The following CLN6 variants were observed in gnomAD, a reference collection of about 807,000 sequenced individuals.
CLN6 encodes CLN6 transmembrane ER protein, also known as ceroid-lipofuscinosis neuronal protein 6.
Under a neutral mutation model 33.3 loss-of-function variants are expected in CLN6, and 22 were observed. The ratio of observed to expected loss-of-function variants is 0.66; its 90% CI spans 0.47 to 0.94. The LOEUF (loss-of-function observed/expected upper bound fraction) is 0.94, where lower values mean the gene tolerates loss of function less well. Among genes scored for constraint, CLN6 ranks in the 40% least tolerant of loss-of-function variants. The pLI is 0.00. For synonymous variants in CLN6, 201 were observed against 174.6 expected (o/e 1.15, Z -1.19); for missense variants, 387 against 417.1 (o/e 0.93, Z 0.63).
intron 1 of CLN6, among the ~76,000 whole-genome samples, chr15:68,235,587 AATATATATATATAT>A (rs59823320): frequency 9.5e-5 from 9 of 95,090 alleles, no homozygotes; most frequent in African/African-American, 4.1e-4. Flanking sequence ...AATAAAAATA[AATATATATATATAT>A]ATATATATAT....
chr15:68,215,161 A>C (rs2093217197), intron 2 of CLN6: 1 of 152,228 alleles, frequency 6.6e-6, no homozygotes, highest in Admixed American at 6.5e-5. Context: ...CATAAGGCCC[A>C]CAAGTTTCAA....
At chr15:68,214,467 A>C in intron 2 of CLN6, 79 bp from the exon 3 acceptor site, 3 of 957,832 alleles carry the variant, frequency 3.1e-6, no homozygotes, top group Non-Finnish European at 5.0e-6. Flanking sequence ...TCTGCCCCTA[A>C]TGCCGCCCAC....
rs181481173 is a variant in CLN6, at chr15:68,241,314, C to G, written c.179+15376G>C. Among the ~76,000 whole-genome samples, 195 of 152,138 alleles carry G rather than the reference C, an allele frequency of 1.3e-3. 2 individuals are homozygous for G. Among genetic ancestry groups the G allele is most frequent in the African/African-American group, 4.4e-3 (182 of 41,510 alleles). On this transcript the variant is annotated intron_variant, in intron 1 of 6. Coordinates refer to the CLN6 transcript ENST00000538696. This position sits in a 1 kb window ranked among gnomAD's most constrained non-coding sequence, Gnocchi z 4.2. ...CACTATGCCAGCAATATTCCAGAAC[C>G]CAAATATGAGGATGAGGCAGTTCCT...
intron 1 of CLN6, among the ~76,000 whole-genome samples, chr15:68,237,831 G>T (rs979487361): frequency 6.6e-6 from 1 of 152,208 alleles, no homozygotes; most frequent in Non-Finnish European, 1.5e-5. Context: ...CACATATCAA[G>T]AAGTGCCTCA....
intron 1 of CLN6, among the ~76,000 whole-genome samples, chr15:68,250,597 C>G (rs1163010190): frequency 6.7e-6 from 1 of 148,856 alleles, no homozygotes; most frequent in Non-Finnish European, 1.5e-5. Flanking sequence ...TGCACTCCAG[C>G]CTGGGCGACA....
upstream of CLN6, chr15:68,229,814 T>TAGGGG: frequency 5.7e-6 from 1 of 174,188 alleles, no homozygotes; most frequent in Non-Finnish European, 1.0e-5. Flanking sequence ...CGGGCTCCGC[T>TAGGGG]AGGGGAGGGC....
In CLN6 at chr15:68,208,103, C is replaced by CCCCCCCAGCAGAGCG; in HGVS notation, c.*36_*37insCGCTCTGCTGGGGGG. The CCCCCCCAGCAGAGCG allele has an allele frequency of 6.6e-7, 1 of 1,518,186 alleles. No individual in the cohort carries two copies. Among genetic ancestry groups the CCCCCCCAGCAGAGCG allele is most frequent in the Non-Finnish European group, 9.0e-7 (1 of 1,109,278 alleles). 94.0% of individuals were successfully genotyped at this position (1,518,186 alleles called of 1,614,324 possible). A position where few individuals can be genotyped will look rare whatever the true frequency, so the allele number is the denominator to read the frequency against. ...TCAGATGCCCTCCATGGCCCACCCTCCCACCCAGCAGAGCGCCAGAGCCTG... is the reference window on the plus strand; with the variant it reads ...TCAGATGCCCTCCATGGCCCACCCTCCCCCCCAGCAGAGCGCCACCCAGCAGAGCGCCAGAGCCTG... On this transcript the variant is annotated 3_prime_UTR_variant, in exon 7 of 7. Coordinates refer to ENST00000249806, the MANE Select transcript of CLN6 (RefSeq NM_017882.3). This position sits in a 1 kb window ranked among gnomAD's most constrained non-coding sequence, Gnocchi z 5.8.
Position 68,210,107 on chromosome 15 carries a change from G to A in CLN6, c.543-348C>T, listed in dbSNP as rs2093200570. On this transcript the variant is annotated intron_variant, in intron 5 of 6. Transcript: ENST00000249806. This position sits in a 1 kb window ranked among gnomAD's most constrained non-coding sequence, Gnocchi z 5.6. Reference sequence around the variant, plus strand: ...GCACCACACTAGCCTGGAGACAGAGGCACCTCCCGGGCTGAGGATGGAGGT... The same window carrying A: ...GCACCACACTAGCCTGGAGACAGAGACACCTCCCGGGCTGAGGATGGAGGT... 6.6e-6 allele frequency among the ~76,000 whole-genome samples: 1 copy of A among 152,032 alleles called. No homozygotes were observed. The highest frequency in any genetic ancestry group is 2.4e-5 in the African/African-American group (1 of 41,374).
At chr15:68,252,012 C>T (rs534908751) in intron 1 of CLN6, among the ~76,000 whole-genome samples, 9 of 125,250 alleles carry the variant, frequency 7.2e-5, no homozygotes, top group African/African-American at 1.5e-4. Flanking sequence ...CTTGGTCTGT[C>T]GCCCAGGCTA....
At chr15:68,232,159 TA>T (rs1188031147), upstream of CLN6, among the ~76,000 whole-genome samples, 3 of 50,962 alleles carry the variant, frequency 5.9e-5, no homozygotes, top group African/African-American at 1.3e-4. The surrounding 1 kb of genome is among the most constrained non-coding windows in gnomAD (Gnocchi z 4.7). Flanking sequence ...CTGTATCCGA[TA>T]TTTTTTTTTT....
intron 1 of CLN6, among the ~76,000 whole-genome samples, chr15:68,238,076 T>C (rs533674868): frequency 1.5e-4 from 23 of 151,004 alleles, no homozygotes; most frequent in African/African-American, 4.9e-4. Flanking sequence ...TGAGCCAAGA[T>C]TGTGCCACTG....
chr15:68,246,853 A>C lies in CLN6; in HGVS notation c.179+9837T>G, dbSNP rs1246979366. On this transcript the variant is annotated intron_variant, in intron 1 of 6. Coordinates refer to the CLN6 transcript ENST00000538696. This position sits in a 1 kb window ranked among gnomAD's most constrained non-coding sequence, Gnocchi z 4.5. ...GCTAAGATAAAAGGAGAGAAGTCCCAAATAAATAAAATTAAAAATGGGCTG... is the reference window on the plus strand; with the variant it reads ...GCTAAGATAAAAGGAGAGAAGTCCCCAATAAATAAAATTAAAAATGGGCTG... Among the ~76,000 whole-genome samples the C allele has an allele frequency of 6.6e-6, 1 of 152,138 alleles. No individual in the cohort carries two copies. The highest frequency in any genetic ancestry group is 1.5e-5 in the Non-Finnish European group (1 of 68,040).
chr15:68,233,069 G>A (rs1178842459), upstream of CLN6, among the ~76,000 whole-genome samples: 2 of 151,954 alleles, frequency 1.3e-5, no homozygotes, highest in African/African-American at 4.8e-5. The surrounding 1 kb of genome is among the most constrained non-coding windows in gnomAD (Gnocchi z 4.3). Context: ...TAATAAAGAA[G>A]GTCCTGTAAG....
chr15:68,216,774 A>G (rs749831529), intron 2 of CLN6, among the ~76,000 whole-genome samples: 2 of 152,222 alleles, frequency 1.3e-5, no homozygotes, highest in African/African-American at 4.8e-5. Flanking sequence ...TTTGAGTTAG[A>G]GGAAACTGCT....
Position 68,236,924 on chromosome 15 carries a change from G to A in CLN6, c.180-18274C>T, listed in dbSNP as rs1422366844. Among the ~76,000 whole-genome samples the A allele has an allele frequency of 2.6e-5, 4 of 151,738 alleles. No individual in the cohort carries two copies. Among genetic ancestry groups the A allele is most frequent in the Non-Finnish European group, 4.4e-5 (3 of 67,930 alleles). On this transcript the variant is annotated intron_variant, in intron 1 of 6. Transcript: ENST00000538696. This position sits in a 1 kb window ranked among gnomAD's most constrained non-coding sequence, Gnocchi z 4.5. ...TGTAATCCCAGCACTTTGGGAGGCC[G>A]AGGCGGGTGGATCATGAGGTCAGGA...
In CLN6 at chr15:68,220,256, T is replaced by C. The variant is rs146135158; in HGVS notation, c.84-1606A>G. The stretch of plus-strand genomic sequence containing the variant: ...CTCACTGAACACCAACTATGTGCAA[T>C]GCTAGGTCTTTACCTGCACTATCTC... On this transcript the variant is annotated intron_variant, in intron 1 of 6. Transcript: ENST00000249806. This position sits in a 1 kb window ranked among gnomAD's most constrained non-coding sequence, Gnocchi z 4.2. Among the ~76,000 whole-genome samples, 495 of 152,336 alleles carry C rather than the reference T, an allele frequency of 3.2e-3. 2 individuals are homozygous for C. The highest frequency in any genetic ancestry group is 0.011 in the African/African-American group (468 of 41,580).
Position 68,224,404 on chromosome 15 carries a change from A to G in CLN6, c.83+5098T>C, listed in dbSNP as rs185866904. Among the ~76,000 whole-genome samples the G allele has an allele frequency of 2.6e-5, 4 of 151,798 alleles. No homozygotes were observed. In the East Asian group the frequency reaches 7.8e-4, roughly 30 times the overall value. The stretch of plus-strand genomic sequence containing the variant: ...TGGGAGGGTGAGCTGGGCAGATCAC[A>G]TGAGGCCAGGCATTCAAGACCAGCC... On this transcript the variant is annotated intron_variant, in intron 1 of 6. Coordinates refer to ENST00000249806, the MANE Select transcript of CLN6 (RefSeq NM_017882.3).
intron 1 of CLN6, among the ~76,000 whole-genome samples, chr15:68,254,067 G>A (rs1318640488): frequency 6.6e-6 from 1 of 150,910 alleles, no homozygotes; most frequent in Non-Finnish European, 1.5e-5. Context: ...TTTTAGTAGA[G>A]ATGGGGTTTC....
In CLN6 at chr15:68,256,625, G is replaced by C; in HGVS notation, c.179+65C>G. On this transcript the variant is annotated intron_variant, in intron 1 of 6. Transcript: ENST00000538696. The surrounding 1 kb of genome is among the most constrained non-coding windows in gnomAD (Gnocchi z 4.1). ...GGGTGTGGGCAGTGCAGTCGCACAGGGCCCCACGTTCAGAAGGGCTTCGCC... is the reference window on the plus strand; with the variant it reads ...GGGTGTGGGCAGTGCAGTCGCACAGCGCCCCACGTTCAGAAGGGCTTCGCC... 1 of 592,072 alleles carries C rather than the reference G, an allele frequency of 1.7e-6. No individual in the cohort carries two copies. The highest frequency in any genetic ancestry group is 3.0e-6 in the Non-Finnish European group (1 of 330,132). 36.7% of individuals were successfully genotyped at this position (592,072 alleles called of 1,614,324 possible).
Sources: gnomAD v4.1 joint callset for allele counts (sites outside exome capture counted in the v4.1 genomes callset) on GRCh38, gnomAD v4.1.1 for gene constraint, Gnocchi (gnomAD v3.1) non-coding constraint, MANE v1.5 for transcripts, NCBI Gene and HGNC (gene_info 2026-07-23, HGNC 2026-07-21) for gene names.